Variants in PPARGC1A observed in about 807,000 individuals in gnomAD.
PPARGC1A encodes the protein peroxisome proliferator-activated receptor gamma coactivator 1-alpha.
In PPARGC1A, 25 loss-of-function variants were observed where a neutral mutation model predicts 88.7. That is an observed-to-expected ratio of 0.28 (90% confidence interval 0.21 to 0.39). PPARGC1A has a LOEUF of 0.39. PPARGC1A is among the 10% of genes least tolerant of loss of function. PPARGC1A has a pLI of 1.00. For missense variants in PPARGC1A, 880 were observed against 968.7 expected (o/e 0.91, Z 1.22); for synonymous variants, 363 against 355.6 (o/e 1.02, Z -0.24).
At chr4:24,423,981 T>G in the PPARGC1A span, among the ~76,000 whole-genome samples, 2 of 152,224 alleles carry the variant, frequency 1.3e-5, no homozygotes. Context: ...ACTTCATTGA[T>G]TTTAAAACAT....
chr4:24,353,831 G>A, the PPARGC1A span, among the ~76,000 whole-genome samples: 1 of 152,144 alleles, frequency 6.6e-6, no homozygotes, highest in Non-Finnish European at 1.5e-5. Flanking sequence ...GGAAACGACT[G>A]AGCCCTTCCT....
At chr4:23,854,240 T>G (rs1006534089) in intron 2 of PPARGC1A, among the ~76,000 whole-genome samples, 1 of 152,194 alleles carries the variant, frequency 6.6e-6, no homozygotes, top group Non-Finnish European at 1.5e-5. Context: ...CATTTTTAGT[T>G]TTAAGTAATG....
At chr4:23,985,357 G>C in the PPARGC1A span, among the ~76,000 whole-genome samples, 1 of 152,034 alleles carries the variant, frequency 6.6e-6, no homozygotes, top group African/African-American at 2.4e-5. Context: ...TATTCTGATG[G>C]AAAGTCTGTG....
At chr4:24,383,807 G>C in the PPARGC1A span, among the ~76,000 whole-genome samples, 3 of 152,312 alleles carry the variant, frequency 2.0e-5, no homozygotes, top group South Asian at 4.1e-4. Context: ...CACTCTTCCA[G>C]ATATTATCCA....
chr4:24,167,113 G>A, the PPARGC1A span, among the ~76,000 whole-genome samples: 3 of 152,176 alleles, frequency 2.0e-5, no homozygotes, highest in African/African-American at 4.8e-5. Flanking sequence ...CAATTCATGG[G>A]AGGAGATCAA....
At chr4:24,100,680 C>A in the PPARGC1A span, among the ~76,000 whole-genome samples, 1 of 152,142 alleles carries the variant, frequency 6.6e-6, no homozygotes, top group African/African-American at 2.4e-5. Context: ...GATGAATAAT[C>A]TTTACCAACT....
the PPARGC1A span, among the ~76,000 whole-genome samples, chr4:23,968,366 T>C: frequency 1.8e-4 from 27 of 152,278 alleles, no homozygotes; most frequent in African/African-American, 6.5e-4. Context: ...GTCTCTGGTA[T>C]CCTTTCTGCT....
the PPARGC1A span, among the ~76,000 whole-genome samples, chr4:24,282,275 T>C: frequency 2.0e-5 from 3 of 152,202 alleles, no homozygotes; most frequent in Non-Finnish European, 2.9e-5. Flanking sequence ...TACATAACCA[T>C]GTAACCAAGC....
chr4:23,926,408 TCTTC>T, the PPARGC1A span, among the ~76,000 whole-genome samples: 1 of 151,974 alleles, frequency 6.6e-6, no homozygotes, highest in Admixed American at 6.5e-5. Context: ...TTCTTAAGTC[TCTTC>T]CTTCCTTTCC....
the PPARGC1A span, among the ~76,000 whole-genome samples, chr4:24,362,237 C>G: frequency 6.6e-6 from 1 of 152,120 alleles, no homozygotes; most frequent in Admixed American, 6.5e-5. Context: ...GTATGTCTCT[C>G]ACCACATCAT....
chr4:24,429,798 C>T, the PPARGC1A span, among the ~76,000 whole-genome samples: 1 of 151,894 alleles, frequency 6.6e-6, no homozygotes, highest in African/African-American at 2.4e-5. Flanking sequence ...ATCACAGGCA[C>T]CCGCCACCAG....
chr4:23,840,712 A>T (rs1315674053), intron 2 of PPARGC1A, among the ~76,000 whole-genome samples: 2 of 152,186 alleles, frequency 1.3e-5, no homozygotes, highest in Non-Finnish European at 2.9e-5. Flanking sequence ...GAGAGGCTTA[A>T]CTAAAATGAG....
the PPARGC1A span, among the ~76,000 whole-genome samples, chr4:24,218,657 C>A: frequency 1.2e-4 from 18 of 152,148 alleles, no homozygotes; most frequent in Non-Finnish European, 2.5e-4. Context: ...ATTTTTCAAT[C>A]TTTTCTAGAA....
At chr4:23,803,057 C>CA (rs1215809427) in intron 10 of PPARGC1A, among the ~76,000 whole-genome samples, 2 of 152,152 alleles carry the variant, frequency 1.3e-5, no homozygotes, top group Non-Finnish European at 2.9e-5. Flanking sequence ...ACCTGGCTTA[C>CA]AAAACTATTA....
At chr4:24,103,595 C>CAAAAAAAAAAAAAAAAAAAAAAAAAAAAA in the PPARGC1A span, among the ~76,000 whole-genome samples, 1 of 121,578 alleles carries the variant, frequency 8.2e-6, no homozygotes. Flanking sequence ...TGCCTTCTTC[C>CAAAAAAAAAAAAAAAAAAAAAAAAAAAAA]AAAAAAAAAA....
the PPARGC1A span, among the ~76,000 whole-genome samples, chr4:24,147,419 C>A: frequency 1.3e-5 from 2 of 152,154 alleles, no homozygotes; most frequent in Admixed American, 1.3e-4. Flanking sequence ...AGCCTTTAAG[C>A]GCTTGAGAGG....
chr4:23,932,666 T>TA, the PPARGC1A span, among the ~76,000 whole-genome samples: 1 of 151,732 alleles, frequency 6.6e-6, no homozygotes, highest in East Asian at 1.9e-4. Context: ...AAATGAGAAA[T>TA]AAAAAACTGT....
chr4:24,223,885 G>A, the PPARGC1A span, among the ~76,000 whole-genome samples: 2 of 152,148 alleles, frequency 1.3e-5, no homozygotes, highest in Non-Finnish European at 2.9e-5. Flanking sequence ...TTCCACTAAT[G>A]TTACTATGAT....
chr4:23,983,683 T>C, the PPARGC1A span, among the ~76,000 whole-genome samples: 1 of 151,336 alleles, frequency 6.6e-6, no homozygotes, highest in Admixed American at 6.6e-5. Flanking sequence ...AGAGAAGAAA[T>C]GGAGGGAGGA....
Sources: gnomAD v4.1 joint callset for allele counts (sites outside exome capture counted in the v4.1 genomes callset) on GRCh38, gnomAD v4.1.1 for gene constraint, MANE v1.5 for transcripts, NCBI Gene and HGNC (gene_info 2026-07-23, HGNC 2026-07-21) for gene names.